The following CFAP91 variants were observed in gnomAD, a reference collection of about 807,000 sequenced individuals.
CFAP91 encodes the protein cilia- and flagella-associated protein 91.
Under a neutral mutation model 95.9 loss-of-function variants are expected in CFAP91, and 85 were observed. The observed-to-expected ratio is 0.89, with a 90% CI of 0.74 to 1.06. CFAP91 has a LOEUF of 1.06. Among genes scored for constraint, CFAP91 ranks in the 50% least tolerant of loss-of-function variants. The pLI is 0.00. For synonymous variants in CFAP91, 335 were observed against 327.5 expected, an observed-to-expected ratio of 1.02 and a Z score of -0.25; for missense variants, 962 against 943.4, an observed-to-expected ratio of 1.02 and a Z score of -0.26.
chr3:119,744,137 A>C lies in CFAP91; in HGVS notation c.1843A>C (p.Ser615Arg), dbSNP rs538103017. Residue 615 changes from serine (S) to arginine (R), a missense_variant, in exon 14 of 18, where the codon AGT (serine) becomes CGT (arginine). Coordinates refer to ENST00000273390, the MANE Select transcript of CFAP91 (RefSeq NM_033364.4). ...GCGGCGGGTACGAGAGGCTGAAGAG[A>C]GTGGTCGGCGCCAGGTGGAAAAACA... ...RQRRVREAEE[S>R]GRRQVEKQRL... is the part of the protein sequence containing the mutation. The C allele has an allele frequency of 2.4e-5, 39 of 1,613,876 alleles. 1 individual carries two copies. The Middle Eastern group carries it at 9.9e-4, about 41-fold the overall frequency.
Position 119,726,283 on chromosome 3 carries a change from G to A in CFAP91, c.795G>A (p.Lys265=). The change falls in exon 7 of 18, where the codon AAG becomes AAA. Residue 265 remains lysine (K), a synonymous_variant. Coordinates refer to ENST00000273390, the MANE Select transcript of CFAP91 (RefSeq NM_033364.4). ...PALSDTSQFE[K]RRKMMNEMER... ...TGAGTGACACCTCCCAGTTTGAGAA[G>A]AGGAGGAAAATGATGAATGAAATGG... 2 of 1,613,994 alleles carry A rather than the reference G, an allele frequency of 1.2e-6. No individual in the cohort carries two copies. The highest frequency in any genetic ancestry group is 8.5e-7 in the Non-Finnish European group (1 of 1,179,952).
In CFAP91 at chr3:119,708,598, G is replaced by C; in HGVS notation, c.367G>C (p.Ala123Pro). 6.3e-7 allele frequency: 1 copy of C among 1,596,172 alleles called. No individual in the cohort carries two copies. Among genetic ancestry groups the C allele is most frequent in the Non-Finnish European group, 8.6e-7 (1 of 1,168,988 alleles). Residue 123 changes from alanine to proline, a missense_variant, in exon 4 of 18, where the codon GCT (alanine) becomes CCT (proline). Physicochemically the swap from Ala to Pro is conservative, Grantham distance 27. Transcript: ENST00000273390. ...TTTCTTGCTTCATTTTAGAACTGAC[G>C]CTTCTTTTCAGATGCCTAAAGAAGT... ...EALRQLTTTDASFQMPKEVYE... is the reference protein window; with the variant it reads ...EALRQLTTTDPSFQMPKEVYE...
intron 10 of CFAP91, among the ~76,000 whole-genome samples, chr3:119,734,987 A>G (rs970864969): frequency 3.3e-5 from 5 of 151,630 alleles, no homozygotes; most frequent in African/African-American, 1.2e-4. Flanking sequence ...TTTTTGGTAA[A>G]TTTTTTTTTA....
Position 119,739,088 on chromosome 3 carries a change from T to A in CFAP91, c.1462-167T>A, listed in dbSNP as rs879054090. 2.6e-5 allele frequency among the ~76,000 whole-genome samples: 4 copies of A among 152,214 alleles called. No individual in the cohort carries two copies. In the South Asian group the frequency reaches 8.3e-4, roughly 32 times the overall value. On this transcript the variant is annotated intron_variant, in intron 11 of 17. Transcript: ENST00000273390. ...ATAATGAATTCTAATGTAAGTAACATTAAAATACTATATGTTCAATAAGGG... is the reference window on the plus strand; with the variant it reads ...ATAATGAATTCTAATGTAAGTAACAATAAAATACTATATGTTCAATAAGGG...
intron 13 of CFAP91, among the ~76,000 whole-genome samples, chr3:119,741,995 T>TG (rs1559763327): frequency 6.6e-6 from 1 of 152,152 alleles, no homozygotes; most frequent in African/African-American, 2.4e-5. Context: ...CCTAGAGTCC[T>TG]GGAAAAGCTC....
intron 17 of CFAP91, 131 bp downstream of exon 17, chr3:119,751,229 T>C (rs1559768412): frequency 1.0e-6 from 1 of 1,002,682 alleles, no homozygotes; most frequent in Non-Finnish European, 1.4e-6. Context: ...TCCACTTAAA[T>C]TGGCACATTT....
intron 17 of CFAP91, among the ~76,000 whole-genome samples, chr3:119,764,611 A>G (rs2054596959): frequency 2.0e-5 from 3 of 152,284 alleles, no homozygotes; most frequent in Admixed American, 1.3e-4. Flanking sequence ...ATATGTATAT[A>G]TACAAACAAA....
chr3:119,728,686 G>A (rs2053832920), intron 7 of CFAP91, among the ~76,000 whole-genome samples: 1 of 152,156 alleles, frequency 6.6e-6, no homozygotes, highest in South Asian at 2.1e-4. Flanking sequence ...CTGCCAGTGT[G>A]ACATCTTGCT....
chr3:119,754,454 C>T (rs892831889), intron 17 of CFAP91, among the ~76,000 whole-genome samples: 5 of 152,096 alleles, frequency 3.3e-5, no homozygotes, highest in East Asian at 1.9e-4. Flanking sequence ...TTGGAAAAAA[C>T]GAGAAAGCTC....
chr3:119,763,753 A>G (rs1051884956), intron 17 of CFAP91, among the ~76,000 whole-genome samples: 8 of 152,142 alleles, frequency 5.3e-5, no homozygotes, highest in East Asian at 1.9e-4. Flanking sequence ...ATCCACACAC[A>G]TACACATATG....
chr3:119,706,784 T>A, intron 1 of CFAP91, 25 bp from the exon 2 acceptor site: 2 of 1,562,314 alleles, frequency 1.3e-6, no homozygotes, highest in Non-Finnish European at 1.8e-6. Flanking sequence ...CTATCTGTTA[T>A]GCTACTTGAT....
In CFAP91 at chr3:119,737,385, A is replaced by G; in HGVS notation, c.1364A>G (p.Asn455Ser). 1.3e-6 allele frequency: 2 copies of G among 1,599,238 alleles called. No homozygotes were observed. The highest frequency in any genetic ancestry group is 1.7e-6 in the Non-Finnish European group (2 of 1,172,898). The change falls in exon 11 of 18, where the codon AAT (asparagine) becomes AGT (serine). Residue 455 changes from asparagine (N) to serine (S), a missense_variant. Asn to Ser is a conservative substitution (Grantham distance 46, BLOSUM62 1). Coordinates refer to ENST00000273390, the MANE Select transcript of CFAP91 (RefSeq NM_033364.4). The stretch of plus-strand genomic sequence containing the variant: ...TTTCAGGCACTGTTGGATAAGAAGA[A>G]TAAAGTTCTTGAAGTAAAGAAACCC... Reference protein sequence around the residue: ...EVHKALLDKKNKVLEVKKPPR... With the variant: ...EVHKALLDKKSKVLEVKKPPR...
intron 14 of CFAP91, among the ~76,000 whole-genome samples, chr3:119,745,818 TC>T (rs767228651): frequency 1.1e-3 from 172 of 152,350 alleles, no homozygotes; most frequent in Non-Finnish European, 2.1e-3. Context: ...ATTGAGACTC[TC>T]CCATAGAGAA....
chr3:119,727,953 C>T (rs574668864), intron 7 of CFAP91, among the ~76,000 whole-genome samples: 19 of 152,076 alleles, frequency 1.2e-4, no homozygotes, highest in Non-Finnish European at 2.8e-4. Context: ...CATCTGCCTG[C>T]CCCTTCCTGC....
At position 119,737,439 on chromosome 3, in the gene CFAP91, C is replaced by T. The variant is rs770239153; in HGVS notation, c.1418C>T (p.Pro473Leu). The T allele has an allele frequency of 1.2e-6, 2 of 1,610,882 alleles. No homozygotes were observed. The highest frequency in any genetic ancestry group is 8.5e-7 in the Non-Finnish European group (1 of 1,178,886). The part of the protein sequence containing the change: ...PPRFLQRNPI[P>L]QPRLPTPTLE... Reference sequence around the variant, plus strand: ...CGCTTCCTTCAAAGAAACCCAATACCTCAACCTCGGCTTCCAACTCCAACC... The same window carrying T: ...CGCTTCCTTCAAAGAAACCCAATACTTCAACCTCGGCTTCCAACTCCAACC... The change falls in exon 11 of 18, where the codon CCT (proline) becomes CTT (leucine). Residue 473 changes from proline (P) to leucine (L), a missense_variant. Pro to Leu is a moderately conservative substitution (Grantham distance 98). Transcript: ENST00000273390.
rs981606562 is a variant in CFAP91, at chr3:119,731,438, C to T, written c.1019-856C>T. On this transcript the variant is annotated intron_variant, in intron 8 of 17. Coordinates refer to ENST00000273390, the MANE Select transcript of CFAP91 (RefSeq NM_033364.4). Reference sequence around the variant, plus strand: ...TTTTTGAGAAAAGAGCACTTAACTGCTAGATATTTATTTAGATACAATCAA... The same window carrying T: ...TTTTTGAGAAAAGAGCACTTAACTGTTAGATATTTATTTAGATACAATCAA... 2.6e-5 allele frequency among the ~76,000 whole-genome samples: 4 copies of T among 152,134 alleles called. 1 individual carries two copies. The highest frequency in any genetic ancestry group is 2.6e-4 in the Admixed American group (4 of 15,268).
At chr3:119,718,909 CAAAA>C (rs540249941) in intron 6 of CFAP91, among the ~76,000 whole-genome samples, 1 of 137,340 alleles carries the variant, frequency 7.3e-6, no homozygotes, top group African/African-American at 2.6e-5. Context: ...AAGTATACAT[CAAAA>C]AAAAAAAAAA....
chr3:119,741,738 C>G (rs1301579592), intron 13 of CFAP91, among the ~76,000 whole-genome samples: 1 of 152,152 alleles, frequency 6.6e-6, no homozygotes, highest in Admixed American at 6.5e-5. Flanking sequence ...AATATGACCC[C>G]CCCTTTAGCA....
In CFAP91 at chr3:119,740,601, G is replaced by A. The variant is rs1372701710; in HGVS notation, c.1586G>A (p.Cys529Tyr). Reference sequence around the variant, plus strand: ...GAGTTGATCCAGGAGTTGCGCACCTGCCACGCACTACAAGAAGATGAAAAG... The same window carrying A: ...GAGTTGATCCAGGAGTTGCGCACCTACCACGCACTACAAGAAGATGAAAAG... ...RLELIQELRT[C>Y]HALQEDEKLV... The change falls in exon 13 of 18, where the codon TGC (cysteine) becomes TAC (tyrosine). Residue 529 changes from cysteine (C) to tyrosine (Y), a missense_variant. Transcript: ENST00000273390. The A allele has an allele frequency of 6.2e-7, 1 of 1,614,200 alleles. No individual in the cohort carries two copies. The highest frequency in any genetic ancestry group is 8.5e-7 in the Non-Finnish European group (1 of 1,180,028).
Sources: allele counts gnomAD v4.1 joint callset (sites outside exome capture counted in the v4.1 genomes callset), GRCh38; gene constraint gnomAD v4.1.1; transcripts MANE v1.5; gene names NCBI Gene and HGNC (gene_info 2026-07-23, HGNC 2026-07-21).